ATRNL1: variants seen among roughly 807,000 people sequenced by gnomAD.
ATRNL1 encodes attractin-like protein 1.
Under a neutral mutation model 182.7 loss-of-function variants are expected in ATRNL1, and 95 were observed. The ratio of observed to expected loss-of-function variants is 0.52; its 90% CI spans 0.44 to 0.62. ATRNL1 has a LOEUF of 0.62. Among genes scored for constraint, ATRNL1 ranks in the 20% least tolerant of loss-of-function variants. ATRNL1 has a pLI of 0.00. For missense variants in ATRNL1, 1,471 were observed against 1,679.5 expected, an observed-to-expected ratio of 0.88 and a Z score of 2.17; for synonymous variants, 576 against 568.3, an observed-to-expected ratio of 1.01 and a Z score of -0.19.
At chr10:115,659,343 T>C (rs1448825210) in intron 26 of ATRNL1, among the ~76,000 whole-genome samples, 1 of 152,106 alleles carries the variant, frequency 6.6e-6, no homozygotes, top group Non-Finnish European at 1.5e-5. Context: ...CTGACTGATA[T>C]AACCCCCAGG....
intron 26 of ATRNL1, among the ~76,000 whole-genome samples, chr10:115,702,619 A>T (rs1946773813): frequency 6.6e-6 from 1 of 151,996 alleles, no homozygotes; most frequent in African/African-American, 2.4e-5. Flanking sequence ...AATGTACACA[A>T]ATCAGCAGGA....
At chr10:115,321,934 AAC>A (rs1306725613) in intron 18 of ATRNL1, among the ~76,000 whole-genome samples, 17 of 152,228 alleles carry the variant, frequency 1.1e-4, no homozygotes, top group African/African-American at 3.1e-4. Context: ...ATGCCTAATC[AAC>A]ACACAAAAAT....
intron 19 of ATRNL1, among the ~76,000 whole-genome samples, chr10:115,362,433 A>G (rs1483881852): frequency 6.6e-6 from 1 of 151,994 alleles, no homozygotes; most frequent in Non-Finnish European, 1.5e-5. Context: ...AATTAACTTA[A>G]CATATTTATC....
chr10:115,768,881 A>C (rs1470816657), intron 27 of ATRNL1, among the ~76,000 whole-genome samples: 1 of 152,086 alleles, frequency 6.6e-6, no homozygotes, highest in Non-Finnish European at 1.5e-5. Context: ...GACACTTCCT[A>C]TATAAATTAT....
intron 28 of ATRNL1, among the ~76,000 whole-genome samples, chr10:115,861,926 A>G (rs927446730): frequency 6.6e-6 from 1 of 152,154 alleles, no homozygotes; most frequent in Non-Finnish European, 1.5e-5. Flanking sequence ...CAACATAGTG[A>G]GACCCCCATC....
At chr10:115,753,009 A>G (rs1356792814) in intron 27 of ATRNL1, among the ~76,000 whole-genome samples, 1 of 152,110 alleles carries the variant, frequency 6.6e-6, no homozygotes, top group Non-Finnish European at 1.5e-5. Context: ...TAATAGTGGC[A>G]TGACACTAGG....
intron 26 of ATRNL1, among the ~76,000 whole-genome samples, chr10:115,722,089 CAAA>C (rs1947445429): frequency 6.6e-6 from 1 of 152,056 alleles, no homozygotes; most frequent in Non-Finnish European, 1.5e-5. Context: ...ACAAATATTG[CAAA>C]AATACCATTT....
intron 25 of ATRNL1, among the ~76,000 whole-genome samples, chr10:115,539,624 CAG>C (rs1554991346): frequency 6.6e-6 from 1 of 152,186 alleles, no homozygotes; most frequent in African/African-American, 2.4e-5. Context: ...CTCTTAAGCT[CAG>C]AGAGAATGAG....
chr10:115,414,381 T>C (rs10885706), intron 20 of ATRNL1, among the ~76,000 whole-genome samples: 35,482 of 151,418 alleles, frequency 0.23, 5,203 homozygotes, highest in Non-Finnish European at 0.34. Context: ...TTCTTCCCCT[T>C]ACCTCTCCTC....
At chr10:115,565,575 T>C (rs1197634877) in intron 26 of ATRNL1, among the ~76,000 whole-genome samples, 2 of 152,092 alleles carry the variant, frequency 1.3e-5, no homozygotes, top group Non-Finnish European at 1.5e-5. Context: ...GCAATTAATA[T>C]TTATTACTTT....
At chr10:115,527,638 T>C (rs890537047) in intron 25 of ATRNL1, among the ~76,000 whole-genome samples, 8 of 152,214 alleles carry the variant, frequency 5.3e-5, no homozygotes, top group African/African-American at 1.7e-4. Flanking sequence ...TAGTTGGTAA[T>C]TGGCTTTTTA....
chr10:115,128,448 T>C (rs1381203904), intron 4 of ATRNL1: 4 of 814,820 alleles, frequency 4.9e-6, no homozygotes, highest in African/African-American at 3.7e-5. Flanking sequence ...ACCAGAAATA[T>C]TATAAATATC....
intron 24 of ATRNL1, among the ~76,000 whole-genome samples, chr10:115,500,333 G>T (rs1189286131): frequency 2.0e-5 from 3 of 152,152 alleles, no homozygotes; most frequent in Admixed American, 2.0e-4. Flanking sequence ...TTAGTTTGCA[G>T]ATTTGTAGTC....
intron 26 of ATRNL1, among the ~76,000 whole-genome samples, chr10:115,621,298 G>T (rs1592960740): frequency 7.5e-6 from 1 of 132,896 alleles, no homozygotes; most frequent in African/African-American, 3.0e-5. Flanking sequence ...GAGAGAGAGA[G>T]AGAGAGAGAG....
At chr10:115,285,333 C>CA (rs1852556678) in intron 14 of ATRNL1, among the ~76,000 whole-genome samples, 1 of 151,764 alleles carries the variant, frequency 6.6e-6, no homozygotes, top group Non-Finnish European at 1.5e-5. Flanking sequence ...ACTTAAAGAC[C>CA]AAAAATTTGA....
intron 26 of ATRNL1, among the ~76,000 whole-genome samples, chr10:115,657,087 G>A (rs11197383): frequency 3.9e-5 from 6 of 152,048 alleles, no homozygotes; most frequent in Admixed American, 1.3e-4. Flanking sequence ...CTGAAACTCA[G>A]TTTCCAAGGA....
At chr10:115,754,072 G>A (rs1356742914) in intron 27 of ATRNL1, among the ~76,000 whole-genome samples, 2 of 152,108 alleles carry the variant, frequency 1.3e-5, no homozygotes, top group Non-Finnish European at 1.5e-5. Flanking sequence ...CTGGATATTA[G>A]CCCTTTGTCA....
chr10:115,275,213 G>A (rs782236541), intron 13 of ATRNL1, among the ~76,000 whole-genome samples: 11 of 152,048 alleles, frequency 7.2e-5, no homozygotes, highest in Non-Finnish European at 1.5e-4. Flanking sequence ...ATGCATTCTG[G>A]AACTGGGAAA....
At chr10:115,433,679 T>A (rs1554964392) in intron 21 of ATRNL1, among the ~76,000 whole-genome samples, 1 of 152,180 alleles carries the variant, frequency 6.6e-6, no homozygotes, top group African/African-American at 2.4e-5. Flanking sequence ...TCCTTTAGCA[T>A]AGTCCAAAAT....
Sources: allele counts gnomAD v4.1 joint callset (sites outside exome capture counted in the v4.1 genomes callset), GRCh38; gene constraint gnomAD v4.1.1; transcripts MANE v1.5; gene names NCBI Gene and HGNC (gene_info 2026-07-23, HGNC 2026-07-21).